DGKH: variants seen among roughly 807,000 people sequenced by gnomAD.
The protein encoded by DGKH is DAG kinase eta.
A neutral mutation model predicts 159.3 loss-of-function variants in DGKH; 90 were observed. The observed-to-expected ratio is 0.57, with a 90% CI of 0.48 to 0.67. The LOEUF (loss-of-function observed/expected upper bound fraction) is 0.67. Ranked by LOEUF, DGKH falls within the 30% of genes least tolerant of loss-of-function variation. The pLI is 0.00. For missense variants in DGKH, 1,181 were observed against 1,506.1 expected (o/e 0.78, Z 3.57); for synonymous variants, 536 against 553.8 (o/e 0.97, Z 0.45).
intron 1 of DGKH, among the ~76,000 whole-genome samples, chr13:42,086,271 G>A (rs1316257082): frequency 1.3e-5 from 2 of 152,076 alleles, no homozygotes; most frequent in African/African-American, 4.8e-5. Flanking sequence ...ACTCATCTTT[G>A]TGTCAACCTT....
At chr13:42,118,109 C>T (rs1029716363) in intron 1 of DGKH, among the ~76,000 whole-genome samples, 1 of 151,906 alleles carries the variant, frequency 6.6e-6, no homozygotes, top group Non-Finnish European at 1.5e-5. Flanking sequence ...CCCAGCTACT[C>T]GGGAGGCTGA....
chr13:42,127,620 A>G, intron 2 of DGKH, 47 bp downstream of exon 2: 1 of 1,552,786 alleles, frequency 6.4e-7, no homozygotes, highest in East Asian at 2.3e-5. Context: ...CTATGGATGG[A>G]TGTAAAATTT....
chr13:42,214,499 G>T lies in DGKH; in HGVS notation c.3015-8G>T. ...TTTTTTATTCATTTGTTTCATTTTTGCTTTTAGGATATGTGACGCAGCCAC... is the reference window on the plus strand; with the variant it reads ...TTTTTTATTCATTTGTTTCATTTTTTCTTTTAGGATATGTGACGCAGCCAC... On this transcript the variant is annotated splice_polypyrimidine_tract_variant and splice_region_variant and intron_variant, in intron 24 of 29. Coordinates refer to ENST00000337343, the MANE Select transcript of DGKH (RefSeq NM_178009.5). 6.3e-7 allele frequency: 1 copy of T among 1,596,858 alleles called. No individual in the cohort carries two copies. The highest frequency in any genetic ancestry group is 1.4e-5 in the African/African-American group (1 of 73,836).
chr13:42,147,982 A>G (rs1331575073), intron 3 of DGKH, among the ~76,000 whole-genome samples: 2 of 152,206 alleles, frequency 1.3e-5, no homozygotes, highest in East Asian at 3.8e-4. Context: ...TAAGGCTGAG[A>G]TGCAACTGTG....
intron 7 of DGKH, among the ~76,000 whole-genome samples, chr13:42,163,352 AT>A (rs1956238036): frequency 6.6e-6 from 1 of 152,108 alleles, no homozygotes; most frequent in African/African-American, 2.4e-5. Flanking sequence ...TAGCAGCATG[AT>A]TTATAGTCTT....
chr13:42,168,846 G>T, intron 11 of DGKH, 28 bp downstream of exon 11: 2 of 1,595,774 alleles, frequency 1.3e-6, no homozygotes, highest in Non-Finnish European at 1.7e-6. Context: ...TCTACAACTA[G>T]ATGGAAAATG....
intron 1 of DGKH, among the ~76,000 whole-genome samples, chr13:42,095,156 CT>C (rs776422302): frequency 6.9e-4 from 53 of 76,810 alleles, no homozygotes; most frequent in South Asian, 3.4e-3. Flanking sequence ...ATGTTGACTC[CT>C]TTTTTTTTTT....
At chr13:42,105,206 T>A (rs995745700) in intron 1 of DGKH, among the ~76,000 whole-genome samples, 3 of 152,090 alleles carry the variant, frequency 2.0e-5, no homozygotes, top group Admixed American at 2.0e-4. Flanking sequence ...AAGGACCTTC[T>A]TGCTGTGACA....
intron 3 of DGKH, among the ~76,000 whole-genome samples, chr13:42,131,409 G>C (rs1179746392): frequency 6.6e-6 from 1 of 152,208 alleles, no homozygotes; most frequent in Non-Finnish European, 1.5e-5. Context: ...GTAGGAATCA[G>C]AGCGCAGGTT....
chr13:42,181,276 C>CAAAAAA (rs34220072), intron 13 of DGKH, among the ~76,000 whole-genome samples: 18 of 81,242 alleles, frequency 2.2e-4, no homozygotes, highest in East Asian at 4.9e-4. Flanking sequence ...GACTCTGTCT[C>CAAAAAA]AAAAAAAAAA....
chr13:42,092,822 C>T (rs139885127), intron 1 of DGKH, among the ~76,000 whole-genome samples: 158 of 152,216 alleles, frequency 1.0e-3, no homozygotes, highest in African/African-American at 3.6e-3. Context: ...TTTATCATTA[C>T]ACATTGTATA....
intron 3 of DGKH, among the ~76,000 whole-genome samples, chr13:42,148,159 C>T (rs1015164165): frequency 3.3e-5 from 5 of 152,160 alleles, no homozygotes; most frequent in African/African-American, 1.2e-4. Flanking sequence ...ACCTACACAT[C>T]GTGACCTTGG....
chr13:42,115,914 G>A (rs1206132019), intron 1 of DGKH, among the ~76,000 whole-genome samples: 1 of 152,114 alleles, frequency 6.6e-6, no homozygotes, highest in African/African-American at 2.4e-5. Context: ...GAGAATTAGA[G>A]GAGCCCAAAC....
chr13:42,151,127 T>TTATTC, intron 3 of DGKH, among the ~76,000 whole-genome samples: 1 of 152,164 alleles, frequency 6.6e-6, no homozygotes, highest in East Asian at 1.9e-4. Flanking sequence ...TTATTTTATT[T>TTATTC]TATTCATTTT....
Position 42,181,276 on chromosome 13 carries a change from CAAAAAAAA to C in DGKH, c.1538+3073_1538+3080del, listed in dbSNP as rs34220072. On this transcript the variant is annotated intron_variant, in intron 13 of 29. Coordinates refer to ENST00000337343, the MANE Select transcript of DGKH (RefSeq NM_178009.5). ...TGGGCCACAGAGCGAGACTCTGTCT[CAAAAAAAA>C]AAAAAAAAAAAAAAAAGAATATCCT... 8.6e-5 allele frequency among the ~76,000 whole-genome samples: 7 copies of C among 81,238 alleles called. No homozygotes were observed. In the South Asian group the frequency reaches 3.9e-3, roughly 45 times the overall value. The allele number at this position is 81,238 out of a possible 152,430, so 53.3% of individuals were successfully genotyped here.
chr13:42,248,861 G>T (rs1238977738), intron 29 of DGKH, among the ~76,000 whole-genome samples: 2 of 151,794 alleles, frequency 1.3e-5, no homozygotes, highest in Admixed American at 1.3e-4. Context: ...ATCCCATCTA[G>T]GTTTGTGTCA....
chr13:42,214,693 C>T (rs1003217246), intron 25 of DGKH, 81 bp downstream of exon 25: 9 of 1,315,842 alleles, frequency 6.8e-6, no homozygotes, highest in Middle Eastern at 1.9e-4. Context: ...AAATATGCCA[C>T]GCCCTGTGAC....
intron 11 of DGKH, among the ~76,000 whole-genome samples, chr13:42,170,898 A>T (rs1458196828): frequency 1.3e-5 from 2 of 151,334 alleles, no homozygotes; most frequent in Admixed American, 6.6e-5. Flanking sequence ...AGCCAAGATC[A>T]TGCCAATGCA....
chr13:42,130,715 G>A (rs1013402923), intron 3 of DGKH, among the ~76,000 whole-genome samples: 9 of 152,166 alleles, frequency 5.9e-5, no homozygotes, highest in South Asian at 2.1e-4. Context: ...GCACTGGTAG[G>A]GGTTGGGGGA....
Sources: allele counts gnomAD v4.1 joint callset (sites outside exome capture counted in the v4.1 genomes callset), GRCh38; gene constraint gnomAD v4.1.1; transcripts MANE v1.5; gene names NCBI Gene and HGNC (gene_info 2026-07-23, HGNC 2026-07-21).